PLCB4: variants seen among roughly 807,000 people sequenced by gnomAD.
The protein encoded by PLCB4 is 1-phosphatidylinositol 4,5-bisphosphate phosphodiesterase beta-4.
In PLCB4, 77 loss-of-function variants were observed where a neutral mutation model predicts 178.8. That is an observed-to-expected ratio of 0.43 (90% CI 0.36 to 0.52). The LOEUF is 0.52. Ranked by LOEUF, PLCB4 falls within the 20% of genes least tolerant of loss-of-function variation. PLCB4 has a pLI of 0.00. For synonymous variants in PLCB4, 496 were observed against 490.8 expected (o/e 1.01, Z -0.14); for missense variants, 1,024 against 1,453.4 (o/e 0.70, Z 4.80).
intron 1 of PLCB4, among the ~76,000 whole-genome samples, chr20:9,082,336 G>GTT (rs1347327287): frequency 6.6e-6 from 1 of 152,110 alleles, no homozygotes; most frequent in Non-Finnish European, 1.5e-5. Flanking sequence ...ATACAATACT[G>GTT]TTTTTGAAAG....
intron 23 of PLCB4, 72 bp downstream of exon 23, chr20:9,408,789 A>G (rs1034672873): frequency 2.5e-6 from 2 of 795,106 alleles, no homozygotes; most frequent in Non-Finnish European, 4.4e-6. Flanking sequence ...AAATAGATAA[A>G]TGGCTAATAT....
At chr20:9,257,466 T>A (rs1379744282) in intron 3 of PLCB4, among the ~76,000 whole-genome samples, 1 of 152,186 alleles carries the variant, frequency 6.6e-6, no homozygotes, top group Admixed American at 6.6e-5. Context: ...ATTGCCCAGA[T>A]AAATCTTGAC....
rs3036061 is a variant in PLCB4 at position 9,165,793 on chromosome 20, TTGTGTGTGTGTGTGTGTG to T, written c.-78-51573_-78-51556del. ...GATGGATGGGTAAACCTGGGGCTGT[TTGTGTGTGTGTGTGTGTG>T]TGTGTGTGTGTGTGTGTGTGTGTTA... On this transcript the variant is annotated intron_variant, in intron 2 of 39. Transcript: ENST00000378473. Among the ~76,000 whole-genome samples the T allele has an allele frequency of 3.2e-4, 45 of 139,748 alleles. No individual in the cohort carries two copies. The South Asian group carries it at 5.7e-3, about 18-fold the overall frequency. 91.7% of individuals were successfully genotyped at this position (139,748 alleles called of 152,430 possible).
intron 4 of PLCB4, among the ~76,000 whole-genome samples, chr20:9,321,944 T>A (rs1267684929): frequency 8.2e-6 from 1 of 122,434 alleles, no homozygotes; most frequent in Non-Finnish European, 1.6e-5. Flanking sequence ...TTTCTTTTTT[T>A]TCTTTTTCTT....
intron 2 of PLCB4, among the ~76,000 whole-genome samples, chr20:9,111,277 A>T (rs73609421): frequency 0.022 from 3,341 of 152,300 alleles, 113 homozygotes; most frequent in African/African-American, 0.074. Context: ...GGTGTTCTTC[A>T]GATGGCAGTG....
At chr20:9,256,336 T>G (rs574384771) in intron 3 of PLCB4, among the ~76,000 whole-genome samples, 2 of 152,162 alleles carry the variant, frequency 1.3e-5, no homozygotes, top group Admixed American at 6.5e-5. Context: ...GCTCATTGTC[T>G]CATGGTTGCG....
At chr20:9,248,383 T>A (rs986756511) in intron 3 of PLCB4, among the ~76,000 whole-genome samples, 2 of 152,134 alleles carry the variant, frequency 1.3e-5, no homozygotes, top group African/African-American at 2.4e-5. Flanking sequence ...AATACCAAAA[T>A]TGGAAATCTT....
chr20:9,337,689 C>T (rs1216353302), intron 5 of PLCB4, among the ~76,000 whole-genome samples: 1 of 152,068 alleles, frequency 6.6e-6, no homozygotes, highest in Non-Finnish European at 1.5e-5. Flanking sequence ...TCTCACATTT[C>T]ATGTACACAC....
At chr20:9,453,324 A>G (rs765009064) in intron 32 of PLCB4, 23 bp from the exon 33 acceptor site, 17 of 1,430,904 alleles carry the variant, frequency 1.2e-5, no homozygotes, top group Non-Finnish European at 1.6e-5. Context: ...TCCAATTCAT[A>G]ACTGCAAATC....
chr20:9,284,454 G>A (rs6056514), intron 3 of PLCB4, among the ~76,000 whole-genome samples: 100 of 152,060 alleles, frequency 6.6e-4, no homozygotes, highest in African/African-American at 2.1e-3. Flanking sequence ...GTCTTACAGC[G>A]TGTTGTATAG....
chr20:9,377,140 C>T (rs1021837632), intron 12 of PLCB4, among the ~76,000 whole-genome samples: 3 of 152,166 alleles, frequency 2.0e-5, no homozygotes, highest in South Asian at 2.1e-4. Context: ...TGAAGCCAGA[C>T]GATGCCTCTT....
At chr20:9,342,611 CT>C (rs1418305244) in intron 7 of PLCB4, among the ~76,000 whole-genome samples, 1 of 150,274 alleles carries the variant, frequency 6.7e-6, no homozygotes, top group African/African-American at 2.4e-5. Context: ...AGGGACAAGC[CT>C]TTTCATTAAT....
chr20:9,245,736 G>GT (rs1569011051), intron 3 of PLCB4, among the ~76,000 whole-genome samples: 7 of 117,822 alleles, frequency 5.9e-5, no homozygotes, highest in African/African-American at 2.3e-4. Flanking sequence ...ATATCTGGTG[G>GT]GTTTTTTTTT....
At chr20:9,335,727 G>A (rs2032358254) in intron 4 of PLCB4, among the ~76,000 whole-genome samples, 1 of 152,206 alleles carries the variant, frequency 6.6e-6, no homozygotes, top group Non-Finnish European at 1.5e-5. Context: ...CTTTCTGGGA[G>A]AGAGTACATA....
intron 2 of PLCB4, among the ~76,000 whole-genome samples, chr20:9,134,819 T>C (rs1399379207): frequency 6.6e-6 from 1 of 152,170 alleles, no homozygotes; most frequent in African/African-American, 2.4e-5. Flanking sequence ...ATCTTCCCTA[T>C]TTGGTGGTTG....
intron 7 of PLCB4, among the ~76,000 whole-genome samples, chr20:9,343,545 G>C (rs1469679474): frequency 6.6e-6 from 1 of 152,074 alleles, no homozygotes; most frequent in African/African-American, 2.4e-5. Flanking sequence ...ATATGATTGT[G>C]CTTTTTTCAG....
chr20:9,432,927 A>T (rs1043136719), intron 28 of PLCB4, among the ~76,000 whole-genome samples: 1 of 152,152 alleles, frequency 6.6e-6, no homozygotes, highest in Admixed American at 6.5e-5. Flanking sequence ...CTGAAGAGAG[A>T]TGTCAGCACC....
intron 1 of PLCB4, among the ~76,000 whole-genome samples, chr20:9,075,778 A>T: frequency 6.6e-6 from 1 of 152,218 alleles, no homozygotes; most frequent in Non-Finnish European, 1.5e-5. Context: ...GAAGCATGAA[A>T]TCCAGATTTA....
chr20:9,389,464 T>C (rs1326955708), intron 15 of PLCB4, among the ~76,000 whole-genome samples: 1 of 152,206 alleles, frequency 6.6e-6, no homozygotes, highest in Non-Finnish European at 1.5e-5. Context: ...CTGAGGTTAC[T>C]ACCCACACTT....
Sources: allele counts gnomAD v4.1 joint callset (sites outside exome capture counted in the v4.1 genomes callset), GRCh38; gene constraint gnomAD v4.1.1; transcripts MANE v1.5; gene names NCBI Gene and HGNC (gene_info 2026-07-23, HGNC 2026-07-21).